TAFA1: variants seen among roughly 807,000 people sequenced by gnomAD.
The protein encoded by TAFA1 is chemokine-like protein TAFA-1.
A neutral mutation model predicts 18.5 loss-of-function variants in TAFA1; 4 were observed. The observed-to-expected ratio is 0.22, with a 90% CI of 0.11 to 0.49. The LOEUF is 0.49. TAFA1 is among the 20% of genes least tolerant of loss of function. The pLI is 0.98. For missense variants in TAFA1, 147 were observed against 169.0 expected, an observed-to-expected ratio of 0.87 and a Z score of 0.72; for synonymous variants, 56 against 55.2, an observed-to-expected ratio of 1.01 and a Z score of -0.06.
chr3:68,018,423 C>T (rs1704612022), intron 2 of TAFA1, among the ~76,000 whole-genome samples: 2 of 152,216 alleles, frequency 1.3e-5, no homozygotes, highest in South Asian at 4.1e-4. Context: ...AGCTGCATAA[C>T]TCTAACTCAA....
At chr3:68,291,060 T>C (rs898533391) in intron 2 of TAFA1, among the ~76,000 whole-genome samples, 3 of 152,134 alleles carry the variant, frequency 2.0e-5, no homozygotes, top group African/African-American at 7.2e-5. Flanking sequence ...ATGATGCATG[T>C]AAAAGGATTA....
At chr3:68,296,149 A>G (rs962962150) in intron 2 of TAFA1, among the ~76,000 whole-genome samples, 2 of 152,212 alleles carry the variant, frequency 1.3e-5, no homozygotes, top group African/African-American at 4.8e-5. Context: ...AGAATTGCCT[A>G]TGTGAGCTAC....
chr3:68,005,160 A>G (rs1439284906), intron 1 of TAFA1, among the ~76,000 whole-genome samples: 1 of 152,182 alleles, frequency 6.6e-6, no homozygotes, highest in Non-Finnish European at 1.5e-5. Flanking sequence ...GTCCCCAAAT[A>G]CATTCATTTT....
chr3:68,245,578 G>C (rs2067061850), intron 2 of TAFA1, among the ~76,000 whole-genome samples: 1 of 152,134 alleles, frequency 6.6e-6, no homozygotes, highest in African/African-American at 2.4e-5. Flanking sequence ...CCTTGGAAGG[G>C]GATTGATAGC....
At chr3:68,330,420 A>G (rs545633599) in intron 2 of TAFA1, among the ~76,000 whole-genome samples, 3 of 152,188 alleles carry the variant, frequency 2.0e-5, no homozygotes, top group Non-Finnish European at 4.4e-5. Flanking sequence ...TTCAATAACA[A>G]AGTCACACAG....
intron 4 of TAFA1, 100 bp from the exon 5 acceptor site, chr3:68,544,386 C>T: frequency 1.6e-6 from 2 of 1,223,502 alleles, no homozygotes; most frequent in Non-Finnish European, 2.3e-6. Context: ...AAGCAACATC[C>T]TAAAGATTCA....
intron 2 of TAFA1, among the ~76,000 whole-genome samples, chr3:68,327,633 A>G (rs2068798165): frequency 6.6e-6 from 1 of 152,218 alleles, no homozygotes; most frequent in African/African-American, 2.4e-5. Context: ...GTCAATTCAT[A>G]TAAATCCTTG....
intron 2 of TAFA1, among the ~76,000 whole-genome samples, chr3:68,035,547 C>G (rs6548935): frequency 0.2 from 30,716 of 152,028 alleles, 3,731 homozygotes; most frequent in Non-Finnish European, 0.28. Flanking sequence ...AAATTCCTGA[C>G]AATGCCAAGT....
chr3:68,221,409 C>T (rs1462482790), intron 2 of TAFA1, among the ~76,000 whole-genome samples: 1 of 152,084 alleles, frequency 6.6e-6, no homozygotes, highest in Non-Finnish European at 1.5e-5. Flanking sequence ...TAGATTGGCT[C>T]TTGATATATT....
At chr3:68,270,102 T>C (rs956787175) in intron 2 of TAFA1, among the ~76,000 whole-genome samples, 2 of 152,142 alleles carry the variant, frequency 1.3e-5, no homozygotes, top group African/African-American at 4.8e-5. Flanking sequence ...GAGTTGGAGT[T>C]TCTTAGAACT....
intron 3 of TAFA1, among the ~76,000 whole-genome samples, chr3:68,514,090 C>G (rs1343295788): frequency 6.6e-6 from 1 of 152,154 alleles, no homozygotes; most frequent in Non-Finnish European, 1.5e-5. Context: ...TCTCTGGGCT[C>G]TCTTTTATAA....
At chr3:68,281,270 C>T (rs968849369) in intron 2 of TAFA1, among the ~76,000 whole-genome samples, 2 of 152,076 alleles carry the variant, frequency 1.3e-5, no homozygotes, top group African/African-American at 4.8e-5. Context: ...CAGCCTCATA[C>T]ATTACAAAAC....
chr3:68,027,212 T>C (rs892459286), intron 2 of TAFA1, among the ~76,000 whole-genome samples: 2 of 151,938 alleles, frequency 1.3e-5, no homozygotes, highest in Non-Finnish European at 2.9e-5. Context: ...TTTCTGAGAG[T>C]CTTCTCTAAG....
chr3:68,185,335 C>A (rs952671696), intron 2 of TAFA1, among the ~76,000 whole-genome samples: 2 of 151,948 alleles, frequency 1.3e-5, no homozygotes, highest in African/African-American at 2.4e-5. Flanking sequence ...AATACAGAAG[C>A]CTTAATGGCA....
chr3:68,412,841 G>A (rs2070741712), intron 2 of TAFA1, among the ~76,000 whole-genome samples: 7 of 152,094 alleles, frequency 4.6e-5, no homozygotes, highest in Admixed American at 4.6e-4. Flanking sequence ...AAACATACGT[G>A]TGCATGTGTC....
chr3:68,065,111 T>C (rs1468996935), intron 2 of TAFA1, among the ~76,000 whole-genome samples: 1 of 152,108 alleles, frequency 6.6e-6, no homozygotes, highest in Non-Finnish European at 1.5e-5. Flanking sequence ...ATCTAAATTG[T>C]AACAGCCCTC....
At chr3:68,225,455 G>A (rs2066786701) in intron 2 of TAFA1, among the ~76,000 whole-genome samples, 1 of 152,114 alleles carries the variant, frequency 6.6e-6, no homozygotes. Flanking sequence ...TCCTGCCTGT[G>A]GTGGAAATAT....
chr3:68,434,568 C>G (rs2106846814), intron 3 of TAFA1, among the ~76,000 whole-genome samples: 1 of 152,148 alleles, frequency 6.6e-6, no homozygotes, highest in South Asian at 2.1e-4. Context: ...AGACCTCAAG[C>G]AGAAATTTGT....
At chr3:68,202,077 C>T (rs1170736297) in intron 2 of TAFA1, among the ~76,000 whole-genome samples, 1 of 151,730 alleles carries the variant, frequency 6.6e-6, no homozygotes, top group Non-Finnish European at 1.5e-5. Flanking sequence ...CCAAACACTT[C>T]CCACTAAGTC....
Sources: gnomAD v4.1 joint callset for allele counts (sites outside exome capture counted in the v4.1 genomes callset) on GRCh38, gnomAD v4.1.1 for gene constraint, MANE v1.5 for transcripts, NCBI Gene and HGNC (gene_info 2026-07-23, HGNC 2026-07-21) for gene names.